ZIC4: variants seen among roughly 807,000 people sequenced by gnomAD.
ZIC4 encodes the protein zinc finger protein ZIC 4.
ZIC4 carries 15 observed loss-of-function variants against 28.8 expected under a neutral mutation model. That is an observed-to-expected ratio of 0.52 (90% CI 0.35 to 0.80). The LOEUF (loss-of-function observed/expected upper bound fraction) is 0.80, where lower values mean the gene tolerates loss of function less well. ZIC4 is among the 30% of genes least tolerant of loss of function. The pLI, the probability that ZIC4 is intolerant of heterozygous loss-of-function variation, is 0.01. For synonymous variants in ZIC4, 220 were observed against 198.1 expected, an observed-to-expected ratio of 1.11 and a Z score of -0.93; for missense variants, 512 against 467.1, an observed-to-expected ratio of 1.10 and a Z score of -0.89.
At chr3:147,405,729 G>C (rs2087260022) in intron 1 of ZIC4, 1 of 543,454 alleles carries the variant, frequency 1.8e-6, no homozygotes, top group African/African-American at 1.9e-5. Flanking sequence ...CCTGAGGCAG[G>C]ACCAGGGTGA....
At chr3:147,400,162 A>G (rs2107980447) in intron 2 of ZIC4, among the ~76,000 whole-genome samples, 1 of 152,338 alleles carries the variant, frequency 6.6e-6, no homozygotes, top group South Asian at 2.1e-4. Flanking sequence ...ACTTTCCAAT[A>G]GAAGGTTGTG....
chr3:147,402,470 T>C, intron 2 of ZIC4, among the ~76,000 whole-genome samples: 1 of 152,116 alleles, frequency 6.6e-6, no homozygotes, highest in African/African-American at 2.4e-5. Flanking sequence ...TCGTCAAATA[T>C]TAATTCTGGA....
rs34676558 is a variant in ZIC4, at chr3:147,396,245, C to G, written c.295G>C (p.Gly99Arg). Residue 99 changes from glycine to arginine, a missense_variant, in exon 3 of 5, where the codon GGG (glycine) becomes CGG (arginine). Transcript: ENST00000383075. This position sits in a 1 kb window ranked among gnomAD's most constrained non-coding sequence, Gnocchi z 4.2. ...LAAAAALHGY[G>R]GMNLTVNLAA... is the part of the protein sequence containing the mutation. ...AGGTTCACCGTCAGGTTCATGCCCC[C>G]GTAGCCATGCAGGGCTGCGGCAGCT... 8.0e-3 allele frequency: 12,861 copies of G among 1,613,552 alleles called. 82 individuals carry two copies. Among genetic ancestry groups the G allele is most frequent in the Middle Eastern group, 0.011 (65 of 6,058 alleles).
chr3:147,398,147 G>A (rs1336964265), intron 2 of ZIC4, among the ~76,000 whole-genome samples: 1 of 152,190 alleles, frequency 6.6e-6, no homozygotes, highest in African/African-American at 2.4e-5. Flanking sequence ...GTCGGGCGTG[G>A]ATCCAGGAGA....
At position 147,396,711 on chromosome 3, in the gene ZIC4, T is replaced by C. The variant is rs549835953; in HGVS notation, c.71-242A>G. The C allele has an allele frequency of 1.1e-5, 5 of 469,740 alleles. No homozygotes were observed. Among genetic ancestry groups the C allele is most frequent in the Non-Finnish European group, 1.8e-5 (5 of 271,922 alleles). 29.1% of individuals were successfully genotyped at this position (469,740 alleles called of 1,614,324 possible). On this transcript the variant is annotated intron_variant, in intron 2 of 4. Transcript: ENST00000383075. This position sits in a 1 kb window ranked among gnomAD's most constrained non-coding sequence, Gnocchi z 4.2. ...CGCCGCGCCATGAGCTAGAGAGGGATGGTAGCGGCAGAGTAGATGTAAGGG... is the reference window on the plus strand; with the variant it reads ...CGCCGCGCCATGAGCTAGAGAGGGACGGTAGCGGCAGAGTAGATGTAAGGG...
chr3:147,403,842 A>T, intron 1 of ZIC4: 35 of 915,402 alleles, frequency 3.8e-5, no homozygotes, highest in Non-Finnish European at 5.0e-5. Flanking sequence ...ATGCACAAAG[A>T]TCTCTCTCTC....
intron 4 of ZIC4, among the ~76,000 whole-genome samples, chr3:147,390,082 C>T (rs1356094345): frequency 6.6e-6 from 1 of 152,284 alleles, no homozygotes; most frequent in South Asian, 2.1e-4. Context: ...ACTCCCTACT[C>T]CAAGTATACA....
At chr3:147,390,866 G>T in intron 4 of ZIC4, 65 bp downstream of exon 4, 1 of 1,529,554 alleles carries the variant, frequency 6.5e-7, no homozygotes, top group Non-Finnish European at 8.8e-7. Context: ...GGGCCAGGTG[G>T]TAGCTCGGGG....
Position 147,396,455 on chromosome 3 carries a change from G to T in ZIC4, c.85C>A (p.His29Asn). 1 of 1,515,108 alleles carries T rather than the reference G, an allele frequency of 6.6e-7. No homozygotes were observed. The allele number at this position is 1,515,108 out of a possible 1,614,324, so 93.9% of individuals were successfully genotyped here. Residue 29 changes from histidine to asparagine, a missense_variant, in exon 3 of 5, where the codon CAC becomes AAC. This residue lies in a region of ZIC4 where 310 missense variants were observed against 256.5 expected (regional missense o/e 1.21). Coordinates refer to ENST00000383075, the MANE Select transcript of ZIC4 (RefSeq NM_032153.6). The surrounding 1 kb of genome is among the most constrained non-coding windows in gnomAD (Gnocchi z 4.2). Reference protein sequence around the residue: ...TLKESSSSSGHHGPQLTAASS... With the variant: ...TLKESSSSSGNHGPQLTAASS... ...GCGGCGGTGAGCTGGGGGCCATGGT[G>T]TCCAGAGCTGCTACCTGTTGTCGAA... is the stretch of plus-strand genomic sequence containing the variant.
intron 3 of ZIC4, among the ~76,000 whole-genome samples, chr3:147,395,324 A>G (rs1401762210): frequency 6.6e-6 from 1 of 152,188 alleles, no homozygotes; most frequent in East Asian, 1.9e-4. Flanking sequence ...GGGTCCACCA[A>G]ACATCCCTAG....
chr3:147,391,329 A>T (rs376073940), intron 3 of ZIC4, 83 bp from the exon 4 acceptor site: 2 of 1,425,956 alleles, frequency 1.4e-6, no homozygotes, highest in African/African-American at 1.4e-5. Context: ...TTCGTCTCTC[A>T]TTTTCTGGAA....
At chr3:147,392,400 C>G (rs1393227335) in intron 3 of ZIC4, 2 of 985,380 alleles carry the variant, frequency 2.0e-6, no homozygotes, top group African/African-American at 3.5e-5. Flanking sequence ...TTGGCCGGAC[C>G]GAGCCCCAAT....
chr3:147,406,214 T>A (rs1458695073), intron 1 of ZIC4, 149 bp downstream of exon 1: 1 of 151,584 alleles, frequency 6.6e-6, no homozygotes, highest in Non-Finnish European at 1.5e-5. Flanking sequence ...GGGAGGGGGG[T>A]AGGATGAAGG....
At chr3:147,405,362 GAA>G in intron 1 of ZIC4, 2 of 1,533,694 alleles carry the variant, frequency 1.3e-6, no homozygotes, top group Non-Finnish European at 1.7e-6. Flanking sequence ...GGAAAGCGGG[GAA>G]AACATGACCT....
At position 147,388,672 on chromosome 3, in the gene ZIC4, C is replaced by A; in HGVS notation, c.*187G>T. 1.7e-6 allele frequency: 1 copy of A among 594,110 alleles called. No individual in the cohort carries two copies. The highest frequency in any genetic ancestry group is 2.2e-5 in the South Asian group (1 of 44,760). 36.8% of individuals were successfully genotyped at this position (594,110 alleles called of 1,614,324 possible). A position where few individuals can be genotyped will look rare whatever the true frequency, so the allele number is the denominator to read the frequency against. On this transcript the variant is annotated 3_prime_UTR_variant, in exon 5 of 5. Coordinates refer to ENST00000383075, the MANE Select transcript of ZIC4 (RefSeq NM_032153.6). ...GTCCTTAATGAAAAGCCTGGACGGG[C>A]TCCAGGCTTGGCCTTTCAGGATTTC...
chr3:147,405,490 C>T (rs2087255754), intron 1 of ZIC4: 1 of 1,536,898 alleles, frequency 6.5e-7, no homozygotes, highest in East Asian at 2.4e-5. Context: ...ACTTTCAGAT[C>T]CAACCTTTGA....
At position 147,402,810 on chromosome 3, in the gene ZIC4, A is replaced by C. The variant is rs1320275463; in HGVS notation, c.-13T>G. 4 of 1,613,374 alleles carry C rather than the reference A, an allele frequency of 2.5e-6. No individual in the cohort carries two copies. Among genetic ancestry groups the C allele is most frequent in the Non-Finnish European group, 3.4e-6 (4 of 1,179,818 alleles). ...TCTTGTATCTCATTTTCTGACTTTGAGCCTGTTTGGGAAGAAAAGAGTGAC... is the reference window on the plus strand; with the variant it reads ...TCTTGTATCTCATTTTCTGACTTTGCGCCTGTTTGGGAAGAAAAGAGTGAC... On this transcript the variant is annotated splice_region_variant and 5_prime_UTR_variant, in exon 2 of 5. Transcript: ENST00000383075.
rs1438385978 is a variant in ZIC4 at position 147,387,935 on chromosome 3, T to C, written c.*924A>G. 6.6e-6 allele frequency: 1 copy of C among 152,274 alleles called. No homozygotes were observed. The allele number at this position is 152,274 out of a possible 1,614,324, so 9.4% of individuals were successfully genotyped here. A position where few individuals can be genotyped will look rare whatever the true frequency, so the allele number is the denominator to read the frequency against. On this transcript the variant is annotated 3_prime_UTR_variant, in exon 5 of 5. Coordinates refer to ENST00000383075, the MANE Select transcript of ZIC4 (RefSeq NM_032153.6). ...GATTTGCACAAAACTGAGCTTGGAATGCTCATTTGTTAAGCTTCGGAGGCT... is the reference window on the plus strand; with the variant it reads ...GATTTGCACAAAACTGAGCTTGGAACGCTCATTTGTTAAGCTTCGGAGGCT...
At chr3:147,402,126 A>G (rs2087176407) in intron 2 of ZIC4, among the ~76,000 whole-genome samples, 1 of 152,180 alleles carries the variant, frequency 6.6e-6, no homozygotes, top group African/African-American at 2.4e-5. Context: ...ATACCACCCT[A>G]AATCATATGC....
Sources: allele counts gnomAD v4.1 joint callset (sites outside exome capture counted in the v4.1 genomes callset), GRCh38; gene constraint gnomAD v4.1.1; regional missense constraint gnomAD v4.1.1; non-coding constraint Gnocchi (gnomAD v3.1); transcripts MANE v1.5; gene names NCBI Gene and HGNC (gene_info 2026-07-23, HGNC 2026-07-21).